The following PAQR5 variants were observed in gnomAD, a reference collection of about 807,000 sequenced individuals.
The protein encoded by PAQR5 is progestin and adipoQ receptor family member 5, also known as membrane progestin receptor gamma.
A neutral mutation model predicts 34.5 loss-of-function variants in PAQR5; 20 were observed. The ratio of observed to expected loss-of-function variants is 0.58; its 90% CI spans 0.41 to 0.84. The LOEUF (loss-of-function observed/expected upper bound fraction) is 0.84, where lower values mean the gene tolerates loss of function less well. PAQR5 is among the 40% of genes least tolerant of loss of function. PAQR5 has a pLI of 0.00. For synonymous variants in PAQR5, 131 were observed against 155.6 expected (o/e 0.84, Z 1.18); for missense variants, 378 against 412.7 (o/e 0.92, Z 0.73).
chr15:69,324,129 C>CAA (rs55634756), intron 1 of PAQR5, among the ~76,000 whole-genome samples: 1,557 of 135,316 alleles, frequency 0.012, 22 homozygotes, highest in East Asian at 0.028. Context: ...ATAGCTAGGG[C>CAA]AAAAAAAAAA....
rs574080442 is a variant in PAQR5 at position 69,374,709 on chromosome 15, A to C, written c.52-5174A>C. Among the ~76,000 whole-genome samples the C allele has an allele frequency of 9.6e-4, 146 of 152,236 alleles. 1 individual carries two copies. Among genetic ancestry groups the C allele is most frequent in the African/African-American group, 3.4e-3 (140 of 41,550 alleles). On this transcript the variant is annotated intron_variant, in intron 3 of 8. Transcript: ENST00000395407. ...ATAATGATAATTGCTGCATCAATGC[A>C]TGGCCTCCCCCTTTTCCCTCCCATT...
rs767954094 is a variant in PAQR5 at position 69,379,949 on chromosome 15, C to T, written c.118C>T (p.Leu40Phe). 1 of 1,614,128 alleles carries T rather than the reference C, an allele frequency of 6.2e-7. No individual in the cohort carries two copies. Among genetic ancestry groups the T allele is most frequent in the African/African-American group, 1.3e-5 (1 of 74,956 alleles). Residue 40 changes from leucine to phenylalanine, a missense_variant, in exon 4 of 9, where the codon CTC (leucine) becomes TTC (phenylalanine). By Grantham distance (22) the Leu-to-Phe change is conservative. Coordinates refer to ENST00000395407, the MANE Select transcript of PAQR5 (RefSeq NM_017705.4). ...HPQSSATACILSLFQMTNETL... is the reference protein window; with the variant it reads ...HPQSSATACIFSLFQMTNETL... ...ACAGAGTTCTGCCACTGCCTGCATC[C>T]TCAGCCTTTTCCAAATGACCAATGA...
intron 2 of PAQR5, among the ~76,000 whole-genome samples, chr15:69,353,342 A>G (rs151187207): frequency 6.6e-6 from 1 of 152,316 alleles, no homozygotes; most frequent in Non-Finnish European, 1.5e-5. Context: ...TGAATGTGAT[A>G]CTTCTGTCAA....
intron 2 of PAQR5, among the ~76,000 whole-genome samples, chr15:69,349,751 C>A (rs943904561): frequency 1.3e-5 from 2 of 151,894 alleles, no homozygotes; most frequent in African/African-American, 4.8e-5. Context: ...AAGCCATTCT[C>A]CTGCCTCAGC....
intron 1 of PAQR5, among the ~76,000 whole-genome samples, chr15:69,317,554 G>A (rs2053983073): frequency 6.6e-6 from 1 of 152,162 alleles, no homozygotes; most frequent in African/African-American, 2.4e-5. Flanking sequence ...TGTGAGGTGT[G>A]CTCTTTGGGT....
At position 69,386,593 on chromosome 15, in the gene PAQR5, CACCCTCCGGATCCCCTCTT is replaced by C. The variant is rs1265596798; in HGVS notation, c.385+1719_385+1737del. Among the ~76,000 whole-genome samples, 5 of 151,950 alleles carry C rather than the reference CACCCTCCGGATCCCCTCTT, an allele frequency of 3.3e-5. No homozygotes were observed. In the South Asian group the frequency reaches 1.0e-3, roughly 32 times the overall value. On this transcript the variant is annotated intron_variant, in intron 5 of 8. Coordinates refer to ENST00000395407, the MANE Select transcript of PAQR5 (RefSeq NM_017705.4). ...CCTCCCTCCCTCCCGGATTCCCTCC[CACCCTCCGGATCCCCTCTT>C]ACCCTCCATGTCCCCCCTCCCCTGG...
chr15:69,300,885 CTTT>C lies in PAQR5; in HGVS notation c.-277+1830_-277+1832del, dbSNP rs1566986403. Reference sequence around the variant, plus strand: ...TCTTTCTTTCTTTCTTTCTTTCTTTCTTTCTTTCTTCCTTCCTTCCTTCCTTCC... The same window carrying C: ...TCTTTCTTTCTTTCTTTCTTTCTTTCCTTTCTTCCTTCCTTCCTTCCTTCC... On this transcript the variant is annotated intron_variant, in intron 1 of 8. Coordinates refer to ENST00000395407, the MANE Select transcript of PAQR5 (RefSeq NM_017705.4). 6.8e-5 allele frequency among the ~76,000 whole-genome samples: 2 copies of C among 29,454 alleles called. 1 individual carries two copies. Among genetic ancestry groups the C allele is most frequent in the Non-Finnish European group, 1.8e-4 (2 of 11,270 alleles). 19.3% of individuals were successfully genotyped at this position (29,454 alleles called of 152,430 possible).
chr15:69,315,138 C>G (rs535608818), intron 1 of PAQR5, among the ~76,000 whole-genome samples: 40 of 152,198 alleles, frequency 2.6e-4, no homozygotes, highest in African/African-American at 9.4e-4. Flanking sequence ...ATTTGAACCA[C>G]GTCTTAGGAG....
intron 2 of PAQR5, among the ~76,000 whole-genome samples, chr15:69,342,619 G>A (rs1362969573): frequency 6.6e-6 from 1 of 152,120 alleles, no homozygotes; most frequent in Admixed American, 6.5e-5. Context: ...CGTCCCCCAG[G>A]GTGCTATTCA....
rs1567048232 is a variant in PAQR5 at position 69,404,936 on chromosome 15, G to C, written c.*1114G>C. 1.5e-5 allele frequency: 6 copies of C among 398,448 alleles called. No homozygotes were observed. The highest frequency in any genetic ancestry group is 2.7e-5 in the Non-Finnish European group (6 of 226,040). 24.7% of individuals were successfully genotyped at this position (398,448 alleles called of 1,614,324 possible). A position where few individuals can be genotyped will look rare whatever the true frequency, so the allele number is the denominator to read the frequency against. On this transcript the variant is annotated 3_prime_UTR_variant, in exon 9 of 9. Transcript: ENST00000395407. ...TCCCAGATGATTCTAATACAGGAGG[G>C]CCAGAGGCCAAACTTGAAGAACTGC...
In PAQR5 at chr15:69,308,347, A is replaced by G. The variant is rs553129937; in HGVS notation, c.-277+9291A>G. ...ATCTGGCCAATACCTTTGCACAGCT[A>G]AAGATTGAATGTCTGCAGGAGAAAT... On this transcript the variant is annotated intron_variant, in intron 1 of 8. Coordinates refer to ENST00000395407, the MANE Select transcript of PAQR5 (RefSeq NM_017705.4). Among the ~76,000 whole-genome samples, 137 of 152,356 alleles carry G rather than the reference A, an allele frequency of 9.0e-4. 1 individual carries two copies. The highest frequency in any genetic ancestry group is 1.5e-3 in the Non-Finnish European group (100 of 68,036).
chr15:69,402,418 C>T (rs2056660974), intron 8 of PAQR5, among the ~76,000 whole-genome samples: 1 of 151,790 alleles, frequency 6.6e-6, no homozygotes, highest in Admixed American at 6.6e-5. Flanking sequence ...CCCGAGTTCA[C>T]GCCATTCTCC....
intron 3 of PAQR5, among the ~76,000 whole-genome samples, chr15:69,361,591 A>T (rs1376092663): frequency 6.6e-6 from 1 of 152,182 alleles, no homozygotes; most frequent in Non-Finnish European, 1.5e-5. Flanking sequence ...ATGAGGGAAG[A>T]GGCACGTCTT....
At chr15:69,383,354 T>G (rs2055975717) in intron 4 of PAQR5, among the ~76,000 whole-genome samples, 1 of 123,994 alleles carries the variant, frequency 8.1e-6, no homozygotes, top group African/African-American at 3.2e-5. Flanking sequence ...TGGTGGAGGG[T>G]GAGTGGGCCT....
chr15:69,402,562 C>T (rs967993267), intron 8 of PAQR5, among the ~76,000 whole-genome samples: 2 of 151,774 alleles, frequency 1.3e-5, no homozygotes, highest in South Asian at 2.1e-4. Context: ...GTGATCCACC[C>T]GCCTCAGCCT....
chr15:69,314,730 A>G (rs929391142), intron 1 of PAQR5: 4 of 152,346 alleles, frequency 2.6e-5, no homozygotes, highest in Admixed American at 6.5e-5. Context: ...TGTGCTGGGA[A>G]CACCCCGCAT....
chr15:69,377,628 AG>A (rs1166654391), intron 3 of PAQR5, among the ~76,000 whole-genome samples: 1 of 152,212 alleles, frequency 6.6e-6, no homozygotes, highest in Non-Finnish European at 1.5e-5. Flanking sequence ...TACTGCTGGA[AG>A]GGAATGTGCT....
Position 69,370,743 on chromosome 15 carries a change from T to A in PAQR5, c.52-9140T>A, listed in dbSNP as rs568998227. 5.3e-5 allele frequency among the ~76,000 whole-genome samples: 8 copies of A among 152,206 alleles called. No homozygotes were observed. In the South Asian group the frequency reaches 1.7e-3, roughly 32 times the overall value. On this transcript the variant is annotated intron_variant, in intron 3 of 8. Transcript: ENST00000395407. ...ACCGTGTTAGCCAGGATGGTCTCAA[T>A]CTCCTGACCTCAGGTGATCCACCCG...
chr15:69,300,892 T>TTC (rs2053570200), intron 1 of PAQR5, among the ~76,000 whole-genome samples: 1 of 20,098 alleles, frequency 5.0e-5, no homozygotes, highest in African/African-American at 1.1e-4. Flanking sequence ...TTTCTTTCTT[T>TTC]CTTCCTTCCT....
Sources: gnomAD v4.1 joint callset for allele counts (sites outside exome capture counted in the v4.1 genomes callset) on GRCh38, gnomAD v4.1.1 for gene constraint, MANE v1.5 for transcripts, NCBI Gene and HGNC (gene_info 2026-07-23, HGNC 2026-07-21) for gene names.